The following IDS variants were observed in gnomAD, a reference collection of about 807,000 sequenced individuals.
IDS encodes alpha-L-iduronate sulfate sulfatase.
A neutral mutation model predicts 33.5 loss-of-function variants in IDS; 1 was observed. The ratio of observed to expected loss-of-function variants is 0.03; its 90% confidence interval spans 0.01 to 0.14. The LOEUF (loss-of-function observed/expected upper bound fraction) is 0.14, where lower values mean the gene tolerates loss of function less well. Ranked by LOEUF, IDS falls within the 10% of genes least tolerant of loss-of-function variation. The pLI is 1.00. For synonymous variants in IDS, 191 were observed against 184.4 expected, an observed-to-expected ratio of 1.04 and a Z score of -0.29; for missense variants, 328 against 448.0, an observed-to-expected ratio of 0.73 and a Z score of 2.42.
intron 7 of IDS, among the ~76,000 whole-genome samples, chrX:149,489,452 AG>A (rs2124016594): frequency 8.9e-6 from 1 of 112,523 alleles, no homozygotes; most frequent in Non-Finnish European, 1.9e-5. Context: ...GTTAGCCCTG[AG>A]CAGGTGGGAG....
In IDS at chrX:149,498,260, A is replaced by G; in HGVS notation, c.555T>C (p.Pro185=). 3.3e-6 allele frequency: 4 copies of G among 1,211,805 alleles called. No homozygotes were observed. Among genetic ancestry groups the G allele is most frequent in the Non-Finnish European group, 4.5e-6 (4 of 895,188 alleles). ...CCTCGGGAACATCCAGCACATCCAC[A>G]GGGCAAAGCAGGTTGGCATGGAGTT... is the stretch of plus-strand genomic sequence containing the variant. ...DGELHANLLC[P]VDVLDVPEGT... is the part of the protein sequence containing the mutation. The change falls in exon 5 of 9, where the codon CCT becomes CCC. Residue 185 remains proline, a synonymous_variant. Coordinates refer to ENST00000340855, the MANE Select transcript of IDS (RefSeq NM_000202.8).
chrX:149,495,253 A>G (rs2089426588), intron 6 of IDS, among the ~76,000 whole-genome samples: 1 of 112,081 alleles, frequency 8.9e-6, no homozygotes, highest in African/African-American at 3.2e-5. Context: ...AGATGGATGC[A>G]TTGCTTTCCA....
Position 149,484,539 on chromosome X carries a change from C to A in IDS, c.1181-1321G>T, listed in dbSNP as rs782542137. 3.5e-5 allele frequency among the ~76,000 whole-genome samples: 4 copies of A among 112,685 alleles called. No homozygotes were observed. The South Asian group carries it at 1.5e-3, about 41-fold the overall frequency. On this transcript the variant is annotated intron_variant, in intron 8 of 8. Coordinates refer to ENST00000340855, the MANE Select transcript of IDS (RefSeq NM_000202.8). ...GTTTCTCCTTGTTGGCCAGGATGGTCTTGATCTCCTGACCTCGTGATCCGC... is the reference window on the plus strand; with the variant it reads ...GTTTCTCCTTGTTGGCCAGGATGGTATTGATCTCCTGACCTCGTGATCCGC...
At chrX:149,486,704 C>T (rs1334844659) in intron 8 of IDS, among the ~76,000 whole-genome samples, 2 of 111,297 alleles carry the variant, frequency 1.8e-5, no homozygotes, top group East Asian at 2.8e-4. Flanking sequence ...TGGACAGGGG[C>T]CATACTTGTC....
chrX:149,496,554 T>C (rs781985317), intron 5 of IDS, 38 bp from the exon 6 acceptor site: 21 of 1,182,444 alleles, frequency 1.8e-5, no homozygotes, highest in Non-Finnish European at 2.4e-5. Context: ...TTGTCACTCT[T>C]TTAGCAAAAG....
At position 149,478,659 on chromosome X, in the gene IDS, CTTCTT is replaced by C. The variant is rs1352661839; in HGVS notation, c.*4082_*4086del. The C allele has an allele frequency of 8.9e-6, 1 of 112,596 alleles. No homozygotes were observed. The highest frequency in any genetic ancestry group is 1.9e-5 in the Non-Finnish European group (1 of 53,329). The allele number at this position is 112,596 out of a possible 1,213,427, so 9.3% of individuals were successfully genotyped here. A position where few individuals can be genotyped will look rare whatever the true frequency, so the allele number is the denominator to read the frequency against. On this transcript the variant is annotated 3_prime_UTR_variant, in exon 9 of 9. Transcript: ENST00000340855. ...CAGTGGGTATGTCTCAAATGCTGGG[CTTCTT>C]TTCATCTCCAGTTTTCACATGTTCC...
At chrX:149,502,745 T>C (rs930490390) in intron 3 of IDS, 12 of 145,460 alleles carry the variant, frequency 8.2e-5, no homozygotes, top group Non-Finnish European at 1.5e-4. Context: ...ATATTGGCAT[T>C]AAAGAGAGCC....
chrX:149,501,011 A>C lies in IDS; in HGVS notation c.445T>G (p.Ser149Ala), dbSNP rs146846763. 1.9e-4 allele frequency: 223 copies of C among 1,173,739 alleles called. No individual in the cohort carries two copies. The highest frequency in any genetic ancestry group is 1.4e-3 in the Middle Eastern group (6 of 4,273). The change falls in exon 4 of 9, where the codon TCT becomes GCT. Residue 149 changes from serine to alanine, a missense_variant. Physicochemically the swap from Ser to Ala is moderately conservative, Grantham distance 99. Transcript: ENST00000340855. The part of the protein sequence containing the change: ...PGISSNHTDD[S>A]PYSWSFPPYH... ...GGTGGAAAAGACCAGCTATACGGAG[A>C]ATCATCGGTATGGTTAGAAGATATC...
rs1194554189 is a variant in IDS, at chrX:149,505,054, C to T, written c.84G>A (p.Thr28=). Residue 28 remains threonine, a synonymous_variant, in exon 1 of 9, where the codon ACG becomes ACA. Transcript: ENST00000340855. ...CGGCACCTGTGGTCGAGTTGGCCTG[C>T]GTTTCGGATCCGAGGGCGACGCAGA... is the stretch of plus-strand genomic sequence containing the variant. The part of the protein sequence containing the change: ...SSVCVALGSE[T]QANSTTDALN... 2 of 1,207,802 alleles carry T rather than the reference C, an allele frequency of 1.7e-6. No homozygotes were observed. Among genetic ancestry groups the T allele is most frequent in the Middle Eastern group, 2.3e-4 (1 of 4,343 alleles).
intron 7 of IDS, among the ~76,000 whole-genome samples, chrX:149,488,293 C>T (rs1403969251): frequency 3.0e-5 from 3 of 98,459 alleles, no homozygotes; most frequent in Non-Finnish European, 6.1e-5. Context: ...TCGGGGAGGA[C>T]GAGGCAGCCT....
At chrX:149,484,115 A>C (rs2089314985) in intron 8 of IDS, among the ~76,000 whole-genome samples, 1 of 112,616 alleles carries the variant, frequency 8.9e-6, no homozygotes, top group Non-Finnish European at 1.9e-5. Flanking sequence ...ATGAACAGTA[A>C]TGTACAACCT....
rs2089279819 is a variant in IDS, at chrX:149,478,890, A to G, written c.*3856T>C. On this transcript the variant is annotated 3_prime_UTR_variant, in exon 9 of 9. Transcript: ENST00000340855. ...AAGATAAATATGTTTGATTATTTTA[A>G]AAGGTGAAACCCATAACCAAAATTT... The G allele has an allele frequency of 8.8e-6, 1 of 113,244 alleles. No homozygotes were observed. Among genetic ancestry groups the G allele is most frequent in the Non-Finnish European group, 1.9e-5 (1 of 53,444 alleles). The allele number at this position is 113,244 out of a possible 1,213,427, so 9.3% of individuals were successfully genotyped here. A position where few individuals can be genotyped will look rare whatever the true frequency, so the allele number is the denominator to read the frequency against.
intron 8 of IDS, among the ~76,000 whole-genome samples, chrX:149,484,580 A>C (rs1294632103): frequency 8.9e-6 from 1 of 112,840 alleles, no homozygotes; most frequent in Admixed American, 9.3e-5. Flanking sequence ...TTGGCCTCCC[A>C]AAGTGCTGGG....
At chrX:149,486,577 C>G (rs148226641) in intron 8 of IDS, among the ~76,000 whole-genome samples, 2 of 112,035 alleles carry the variant, frequency 1.8e-5, no homozygotes, top group Admixed American at 1.9e-4. Flanking sequence ...TCGTCTGTTA[C>G]GGGGGCAGCC....
At chrX:149,487,169 C>T in intron 7 of IDS, 71 bp from the exon 8 acceptor site, 1 of 1,208,672 alleles carries the variant, frequency 8.3e-7, no homozygotes, top group Non-Finnish European at 1.1e-6. Context: ...ATTTTAGATA[C>T]CATTTCATTT....
At chrX:149,499,298 A>G (rs1489667060) in intron 4 of IDS, 2 of 107,389 alleles carry the variant, frequency 1.9e-5, no homozygotes, top group African/African-American at 3.4e-5. Context: ...TGGAGGCTAC[A>G]GTGAGCTGAG....
intron 6 of IDS, among the ~76,000 whole-genome samples, chrX:149,491,070 T>TA (rs2089386780): frequency 8.9e-6 from 1 of 112,023 alleles, no homozygotes; most frequent in South Asian, 3.7e-4. Flanking sequence ...ACTGGGGGGT[T>TA]AGGATGTCAA....
intron 4 of IDS, chrX:149,499,271 C>G (rs1269192875): frequency 9.3e-6 from 1 of 107,888 alleles, no homozygotes; most frequent in African/African-American, 3.4e-5. Context: ...GGAGAATCAT[C>G]GCTTGAACCT....
chrX:149,496,666 C>G, intron 5 of IDS, 150 bp from the exon 6 acceptor site: 1 of 543,472 alleles, frequency 1.8e-6, no homozygotes. Flanking sequence ...TCGGCCCTGA[C>G]CTGGAAGTCC....
Sources: gnomAD v4.1 joint callset for allele counts (sites outside exome capture counted in the v4.1 genomes callset) on GRCh38, gnomAD v4.1.1 for gene constraint, MANE v1.5 for transcripts, NCBI Gene and HGNC (gene_info 2026-07-23, HGNC 2026-07-21) for gene names.